ATAD2B: variants seen among roughly 807,000 people sequenced by gnomAD.
The protein encoded by ATAD2B is ATPase family AAA domain-containing protein 2B.
In ATAD2B, 40 loss-of-function variants were observed where a neutral mutation model predicts 167.6. That is an observed-to-expected ratio of 0.24 (90% CI 0.19 to 0.31). The LOEUF is 0.31. Among genes scored for constraint, ATAD2B ranks in the 10% least tolerant of loss-of-function variants. ATAD2B has a pLI of 1.00. For missense variants in ATAD2B, 1,242 were observed against 1,757.2 expected, an observed-to-expected ratio of 0.71 and a Z score of 5.24; for synonymous variants, 579 against 596.5, an observed-to-expected ratio of 0.97 and a Z score of 0.43.
chr2:23,745,024 G>C (rs1674753760), downstream of ATAD2B, among the ~76,000 whole-genome samples: 1 of 152,134 alleles, frequency 6.6e-6, no homozygotes, highest in Admixed American at 6.5e-5. Context: ...GGTTGCTCAC[G>C]CTTGTAATCC....
chr2:23,842,702 A>G (rs1691118878), intron 13 of ATAD2B, among the ~76,000 whole-genome samples: 1 of 152,166 alleles, frequency 6.6e-6, no homozygotes, highest in Admixed American at 6.5e-5. Context: ...CAAAAGGGCA[A>G]GAGCTAGTAA....
chr2:23,860,360 T>C (rs1487663873), intron 12 of ATAD2B, among the ~76,000 whole-genome samples: 1 of 152,234 alleles, frequency 6.6e-6, no homozygotes, highest in Non-Finnish European at 1.5e-5. Context: ...GCTAGATCTT[T>C]CCTTACATAG....
At chr2:23,779,857 G>A (rs979879462) in intron 22 of ATAD2B, among the ~76,000 whole-genome samples, 13 of 152,130 alleles carry the variant, frequency 8.5e-5, no homozygotes, top group African/African-American at 2.9e-4. Context: ...CAGTATATCC[G>A]TGGATGGGGA....
intron 15 of ATAD2B, among the ~76,000 whole-genome samples, chr2:23,825,149 C>T (rs1395536720): frequency 7.5e-6 from 1 of 133,410 alleles, no homozygotes; most frequent in African/African-American, 2.8e-5. Context: ...AGGGGTCTCA[C>T]TTTGTCCAGG....
intron 1 of ATAD2B, among the ~76,000 whole-genome samples, chr2:23,910,863 G>C (rs187898962): frequency 6.8e-6 from 1 of 147,390 alleles, no homozygotes; most frequent in Admixed American, 6.8e-5. Context: ...GCAAGACTCT[G>C]TCTCAAAAAA....
intron 15 of ATAD2B, among the ~76,000 whole-genome samples, chr2:23,825,841 T>C (rs990615174): frequency 1.3e-5 from 2 of 152,178 alleles, no homozygotes; most frequent in African/African-American, 4.8e-5. Context: ...AGGTAGTAAA[T>C]GTTACCCATA....
In ATAD2B at chr2:23,748,801, T is replaced by C. The variant is rs1572608910; in HGVS notation, c.*3245A>G. 2.0e-5 allele frequency: 3 copies of C among 152,244 alleles called. No individual in the cohort carries two copies. In the East Asian group the frequency reaches 5.8e-4, roughly 29 times the overall value. The allele number at this position is 152,244 out of a possible 1,614,324, so 9.4% of individuals were successfully genotyped here. On this transcript the variant is annotated 3_prime_UTR_variant, in exon 28 of 28. Coordinates refer to ENST00000238789, the MANE Select transcript of ATAD2B (RefSeq NM_017552.4). ...AATGAAGTCAAATGCAAAACATCAA[T>C]TTAACACAATTCTAAATTAAAACTA...
In ATAD2B at chr2:23,926,743, G is replaced by A. The variant is rs1336562272; in HGVS notation, c.28C>T (p.Arg10Cys). 6.5e-7 allele frequency: 1 copy of A among 1,547,410 alleles called. No homozygotes were observed. The highest frequency in any genetic ancestry group is 1.2e-5 in the South Asian group (1 of 83,878). Residue 10 changes from arginine (R) to cysteine (C), a missense_variant, in exon 1 of 28, where the codon CGC becomes TGC. Transcript: ENST00000238789. ...CCAGGAGACTTGGACCCGAGAAGGC[G>A]GAGAGAGCTCTTCCGGGTGTTCACC... is the stretch of plus-strand genomic sequence containing the variant. MVNTRKSSL[R>C]LLGSKSPGPG...
intron 13 of ATAD2B, among the ~76,000 whole-genome samples, chr2:23,838,774 T>A (rs1442998102): frequency 6.6e-6 from 1 of 152,168 alleles, no homozygotes; most frequent in African/African-American, 2.4e-5. Context: ...AAATTAGGCA[T>A]CCATATGTGT....
intron 5 of ATAD2B, among the ~76,000 whole-genome samples, chr2:23,885,264 A>G (rs954578469): frequency 2.0e-5 from 3 of 152,256 alleles, no homozygotes. Flanking sequence ...GAAGAGAGGC[A>G]GTATCTGAAA....
the ATAD2B span, chr2:23,697,562 A>T: frequency 6.6e-6 from 1 of 152,156 alleles, no homozygotes; most frequent in African/African-American, 2.4e-5. Context: ...CTCAATTTGT[A>T]TTTTTCCCCC....
intron 22 of ATAD2B, among the ~76,000 whole-genome samples, chr2:23,782,499 C>T (rs1026388447): frequency 6.6e-6 from 1 of 152,124 alleles, no homozygotes; most frequent in Non-Finnish European, 1.5e-5. Flanking sequence ...GATAACATTC[C>T]ACATAAAAGG....
At chr2:23,678,701 A>G in the ATAD2B span, among the ~76,000 whole-genome samples, 1 of 152,248 alleles carries the variant, frequency 6.6e-6, no homozygotes, top group Non-Finnish European at 1.5e-5. Context: ...AGTATGTGGT[A>G]TCTACATACA....
At chr2:23,838,500 A>G (rs960373896) in intron 13 of ATAD2B, among the ~76,000 whole-genome samples, 4 of 152,122 alleles carry the variant, frequency 2.6e-5, no homozygotes, top group African/African-American at 9.7e-5. Flanking sequence ...TCCTTTAGCA[A>G]CTCCTATTAT....
rs919123060 is a variant in ATAD2B at position 23,750,993 on chromosome 2, T to C, written c.*1053A>G. ...TTTTATGGAGCTTCTGATGAATTCC[T>C]CTCTTTTCTGTCCATTTGGCAAGTC... is the stretch of plus-strand genomic sequence containing the variant. On this transcript the variant is annotated 3_prime_UTR_variant, in exon 28 of 28. Transcript: ENST00000238789. 11 of 152,118 alleles carry C rather than the reference T, an allele frequency of 7.2e-5. No individual in the cohort carries two copies. The highest frequency in any genetic ancestry group is 2.7e-4 in the African/African-American group (11 of 41,446). The allele number at this position is 152,118 out of a possible 1,614,324, so 9.4% of individuals were successfully genotyped here. A position where few individuals can be genotyped will look rare whatever the true frequency, so the allele number is the denominator to read the frequency against.
chr2:23,828,952 G>C lies in ATAD2B; in HGVS notation c.1729-13C>G. The C allele has an allele frequency of 6.5e-7, 1 of 1,527,972 alleles. No individual in the cohort carries two copies. Among genetic ancestry groups the C allele is most frequent in the Non-Finnish European group, 9.0e-7 (1 of 1,108,590 alleles). The allele number at this position is 1,527,972 out of a possible 1,614,324, so 94.7% of individuals were successfully genotyped here. ...TGTGTTTTCTTGCCTAAGATGAAAAGCACAGATACATAAAATCTTGCCCAA... is the reference window on the plus strand; with the variant it reads ...TGTGTTTTCTTGCCTAAGATGAAAACCACAGATACATAAAATCTTGCCCAA... On this transcript the variant is annotated splice_polypyrimidine_tract_variant and intron_variant, in intron 14 of 27. Transcript: ENST00000238789.
the ATAD2B span, among the ~76,000 whole-genome samples, chr2:23,694,218 A>G: frequency 1.3e-5 from 2 of 152,184 alleles, no homozygotes; most frequent in Non-Finnish European, 2.9e-5. Context: ...CCGAAAGCCT[A>G]CACCTCTTCC....
intron 23 of ATAD2B, among the ~76,000 whole-genome samples, chr2:23,763,039 T>C (rs913309463): frequency 6.6e-6 from 1 of 152,236 alleles, no homozygotes; most frequent in Non-Finnish European, 1.5e-5. Flanking sequence ...TTCTGATCCA[T>C]ATATACAACT....
At chr2:23,792,854 C>T (rs1390299865) in intron 19 of ATAD2B, among the ~76,000 whole-genome samples, 1 of 148,368 alleles carries the variant, frequency 6.7e-6, no homozygotes, top group Non-Finnish European at 1.5e-5. Context: ...CCCAGCTACT[C>T]CAGGAGGCTT....
Sources: gnomAD v4.1 joint callset for allele counts (sites outside exome capture counted in the v4.1 genomes callset) on GRCh38, gnomAD v4.1.1 for gene constraint, MANE v1.5 for transcripts, NCBI Gene and HGNC (gene_info 2026-07-23, HGNC 2026-07-21) for gene names.